CARM1: variants seen among roughly 807,000 people sequenced by gnomAD.
CARM1 encodes the protein histone-arginine methyltransferase CARM1.
A neutral mutation model predicts 72.7 loss-of-function variants in CARM1; 14 were observed. The observed-to-expected ratio is 0.19, with a 90% CI of 0.13 to 0.30. The LOEUF is 0.30. Ranked by LOEUF, CARM1 falls within the 10% of genes least tolerant of loss-of-function variation. The pLI, the probability that CARM1 is intolerant of heterozygous loss-of-function variation, is 1.00. For synonymous variants in CARM1, 333 were observed against 345.5 expected, an observed-to-expected ratio of 0.96 and a Z score of 0.40; for missense variants, 432 against 833.7, an observed-to-expected ratio of 0.52 and a Z score of 5.93.
In CARM1 at chr19:10,885,334, T is replaced by C. The variant is rs142843475; in HGVS notation, c.220+13412T>C. On this transcript the variant is annotated intron_variant, in intron 1 of 15. Transcript: ENST00000327064. Reference sequence around the variant, plus strand: ...TCTCTTTAAAGCGATTCATTAGCCTTGGCAGGCGTGGGTCTGAGCTGTTTT... The same window carrying C: ...TCTCTTTAAAGCGATTCATTAGCCTCGGCAGGCGTGGGTCTGAGCTGTTTT... 4.6e-5 allele frequency among the ~76,000 whole-genome samples: 7 copies of C among 152,336 alleles called. No individual in the cohort carries two copies. The East Asian group carries it at 1.2e-3, about 25-fold the overall frequency.
In CARM1 at chr19:10,916,720, G is replaced by A. The variant is rs891089445; in HGVS notation, c.963G>A (p.Val321=). The change falls in exon 8 of 16, where the codon GTG becomes GTA. Residue 321 remains valine (V), a synonymous_variant. Transcript: ENST00000327064. The surrounding 1 kb of genome is among the most constrained non-coding windows in gnomAD (Gnocchi z 4.4). ...NFWYQPSFHG[V]DLSALRGAAV... ...GGTACCAGCCATCTTTCCATGGAGT[G>A]GACCTGTCGGCCCTCCGAGGTGCCG... The A allele has an allele frequency of 6.4e-7, 1 of 1,560,194 alleles. No individual in the cohort carries two copies. Among genetic ancestry groups the A allele is most frequent in the African/African-American group, 1.4e-5 (1 of 73,736 alleles).
intron 1 of CARM1, among the ~76,000 whole-genome samples, chr19:10,889,788 G>C (rs1327916779): frequency 6.6e-6 from 1 of 152,086 alleles, no homozygotes; most frequent in African/African-American, 2.4e-5. Flanking sequence ...TTTTTCTCAT[G>C]AAATATTTTT....
At chr19:10,897,005 G>A (rs1199633285) in intron 1 of CARM1, among the ~76,000 whole-genome samples, 2 of 152,224 alleles carry the variant, frequency 1.3e-5, no homozygotes, top group Non-Finnish European at 2.9e-5. Flanking sequence ...CTGCAAGGCA[G>A]AATAGAATCA....
chr19:10,876,906 G>A (rs972288014), intron 1 of CARM1, among the ~76,000 whole-genome samples: 2 of 152,260 alleles, frequency 1.3e-5, no homozygotes, highest in Non-Finnish European at 2.9e-5. Context: ...TGGTCAGCAC[G>A]AGTCAGTGTG....
chr19:10,905,942 C>CTTTTTTTTTTTTT (rs35328638), intron 2 of CARM1, among the ~76,000 whole-genome samples: 33 of 103,438 alleles, frequency 3.2e-4, no homozygotes, highest in African/African-American at 1.2e-3. Context: ...TGCCCGGCCC[C>CTTTTTTTTTTTTT]TTTTTTTTTT....
rs1015129732 is a variant in CARM1 at position 10,872,031 on chromosome 19, C to T, written c.220+109C>T. 3 of 921,892 alleles carry T rather than the reference C, an allele frequency of 3.3e-6. No homozygotes were observed. The African/African-American group carries it at 5.3e-5, about 16-fold the overall frequency. The allele number at this position is 921,892 out of a possible 1,614,324, so 57.1% of individuals were successfully genotyped here. On this transcript the variant is annotated intron_variant, in intron 1 of 15. Transcript: ENST00000327064. Reference sequence around the variant, plus strand: ...TGAGCGCGGGGGCCTGGCGTGGGGTCCCCGGGACTGAGCCGGTGGCCTGCA... The same window carrying T: ...TGAGCGCGGGGGCCTGGCGTGGGGTTCCCGGGACTGAGCCGGTGGCCTGCA...
intron 1 of CARM1, among the ~76,000 whole-genome samples, chr19:10,875,735 T>G (rs2073859508): frequency 6.6e-6 from 1 of 151,612 alleles, no homozygotes. Flanking sequence ...CAGCTGTTCT[T>G]TTCTTATAAG....
rs779584488 is a variant in CARM1, at chr19:10,887,319, G to A, written c.220+15397G>A. ...CAGAGCTCGCCAAAGCCAGGGTCCCGTCTCCCCTGGTTCCTGCCGTGTGCC... is the reference window on the plus strand; with the variant it reads ...CAGAGCTCGCCAAAGCCAGGGTCCCATCTCCCCTGGTTCCTGCCGTGTGCC... On this transcript the variant is annotated intron_variant, in intron 1 of 15. Coordinates refer to ENST00000327064, the MANE Select transcript of CARM1 (RefSeq NM_199141.2). 5.0e-4 allele frequency among the ~76,000 whole-genome samples: 76 copies of A among 152,310 alleles called. 1 individual carries two copies. The highest frequency in any genetic ancestry group is 1.1e-3 in the Admixed American group (17 of 15,306).
chr19:10,890,092 T>TA lies in CARM1; in HGVS notation c.221-14853dup, dbSNP rs566273325. On this transcript the variant is annotated intron_variant, in intron 1 of 15. Transcript: ENST00000327064. ...GCAAGACCCCATCTCTACAGAAAAATAAAAAATTAGCCTTCCATGGTGGTG... is the reference window on the plus strand; with the variant it reads ...GCAAGACCCCATCTCTACAGAAAAATAAAAAAATTAGCCTTCCATGGTGGTG... Among the ~76,000 whole-genome samples the TA allele has an allele frequency of 6.6e-5, 10 of 151,310 alleles. No homozygotes were observed. The East Asian group carries it at 1.8e-3, about 27-fold the overall frequency.
chr19:10,896,762 G>T lies in CARM1; in HGVS notation c.221-8189G>T, dbSNP rs150702035. ...AGGCTGGGTCAGGTGCCACCTCCAGGCACCTACAGAGTCCACCACTTGGGG... is the reference window on the plus strand; with the variant it reads ...AGGCTGGGTCAGGTGCCACCTCCAGTCACCTACAGAGTCCACCACTTGGGG... On this transcript the variant is annotated intron_variant, in intron 1 of 15. Coordinates refer to ENST00000327064, the MANE Select transcript of CARM1 (RefSeq NM_199141.2). This position sits in a 1 kb window ranked among gnomAD's most constrained non-coding sequence, Gnocchi z 5.2. Among the ~76,000 whole-genome samples the T allele has an allele frequency of 7.2e-5, 11 of 152,080 alleles. No homozygotes were observed. The highest frequency in any genetic ancestry group is 5.2e-4 in the Admixed American group (8 of 15,262).
chr19:10,891,291 G>A (rs1052495064), intron 1 of CARM1, among the ~76,000 whole-genome samples: 1 of 152,040 alleles, frequency 6.6e-6, no homozygotes, highest in East Asian at 1.9e-4. Context: ...TATTTTTCTA[G>A]ACACTAAAGC....
rs201773256 is a variant in CARM1, at chr19:10,912,318, C to T, written c.669+24C>T. ...AGGTCAGTGGCCCGCTGGTGCCCAC[C>T]CAGCCTCGTCCTCGCCCATGAGTGC... On this transcript the variant is annotated intron_variant, in intron 5 of 15. Transcript: ENST00000327064. This position sits in a 1 kb window ranked among gnomAD's most constrained non-coding sequence, Gnocchi z 4.5. 5 of 1,551,400 alleles carry T rather than the reference C, an allele frequency of 3.2e-6. No homozygotes were observed. The East Asian group carries it at 9.0e-5, about 28-fold the overall frequency.
At chr19:10,875,593 T>G (rs1225646913) in intron 1 of CARM1, among the ~76,000 whole-genome samples, 3 of 151,776 alleles carry the variant, frequency 2.0e-5, no homozygotes, top group Non-Finnish European at 4.4e-5. Context: ...CCCGGCTAAT[T>G]CTTTGTATTT....
At chr19:10,902,967 T>C (rs905055175) in intron 1 of CARM1, among the ~76,000 whole-genome samples, 1 of 152,134 alleles carries the variant, frequency 6.6e-6, no homozygotes, top group Non-Finnish European at 1.5e-5. Flanking sequence ...TGCAAATAGT[T>C]CTCCTAAGAG....
chr19:10,916,300 A>G lies in CARM1; in HGVS notation c.848-107A>G. 1 of 720,096 alleles carries G rather than the reference A, an allele frequency of 1.4e-6. No individual in the cohort carries two copies. The highest frequency in any genetic ancestry group is 2.5e-6 in the Non-Finnish European group (1 of 406,176). The allele number at this position is 720,096 out of a possible 1,614,324, so 44.6% of individuals were successfully genotyped here. A position where few individuals can be genotyped will look rare whatever the true frequency, so the allele number is the denominator to read the frequency against. ...AGGAGTGCAGGAACGAATGGATGACAGGCTGGGAGCACCCAGGGTTGGGGG... is the reference window on the plus strand; with the variant it reads ...AGGAGTGCAGGAACGAATGGATGACGGGCTGGGAGCACCCAGGGTTGGGGG... On this transcript the variant is annotated intron_variant, in intron 6 of 15. Transcript: ENST00000327064. The surrounding 1 kb of genome is among the most constrained non-coding windows in gnomAD (Gnocchi z 4.4).
At chr19:10,887,847 T>C (rs1400918420) in intron 1 of CARM1, among the ~76,000 whole-genome samples, 2 of 152,074 alleles carry the variant, frequency 1.3e-5, no homozygotes. Context: ...GGAGGCTGCC[T>C]CCGCTCCAGC....
rs1473839154 is a variant in CARM1 at position 10,915,244 on chromosome 19, A to T, written c.848-1163A>T. ...GGCTGCTCCAGGGGCTGTGGGCCCC[A>T]CTCTCCTCCCCTTCTGCCCTGATGG... On this transcript the variant is annotated intron_variant, in intron 6 of 15. Transcript: ENST00000327064. The surrounding 1 kb of genome is among the most constrained non-coding windows in gnomAD (Gnocchi z 4.6). 6.6e-6 allele frequency among the ~76,000 whole-genome samples: 1 copy of T among 150,888 alleles called. No homozygotes were observed. The highest frequency in any genetic ancestry group is 2.4e-5 in the African/African-American group (1 of 40,944).
intron 1 of CARM1, among the ~76,000 whole-genome samples, chr19:10,887,607 T>A (rs369514489): frequency 1.7e-4 from 26 of 152,298 alleles, no homozygotes; most frequent in Non-Finnish European, 3.1e-4. Context: ...TATTTTTTTT[T>A]AAATGTTTTA....
At chr19:10,901,726 G>A (rs1389757672) in intron 1 of CARM1, among the ~76,000 whole-genome samples, 2 of 152,136 alleles carry the variant, frequency 1.3e-5, no homozygotes, top group Admixed American at 6.6e-5. Context: ...CAGATCACAC[G>A]AGGCTAGGAC....
Sources: allele counts gnomAD v4.1 joint callset (sites outside exome capture counted in the v4.1 genomes callset), GRCh38; gene constraint gnomAD v4.1.1; non-coding constraint Gnocchi (gnomAD v3.1); transcripts MANE v1.5; gene names NCBI Gene and HGNC (gene_info 2026-07-23, HGNC 2026-07-21).